Variants in HSPA12A observed in about 807,000 individuals in gnomAD.
HSPA12A encodes the protein heat shock 70 kDa protein 12A.
Under a neutral mutation model 69.2 loss-of-function variants are expected in HSPA12A, and 28 were observed. The observed-to-expected ratio is 0.40, with a 90% CI of 0.30 to 0.55. The LOEUF (loss-of-function observed/expected upper bound fraction) is 0.55, where lower values mean the gene tolerates loss of function less well. Ranked by LOEUF, HSPA12A falls within the 20% of genes least tolerant of loss-of-function variation. The pLI is 0.38. For missense variants in HSPA12A, 686 were observed against 900.7 expected, an observed-to-expected ratio of 0.76 and a Z score of 3.05; for synonymous variants, 345 against 370.5, an observed-to-expected ratio of 0.93 and a Z score of 0.79.
chr10:116,725,537 T>C (rs1554884867), intron 1 of HSPA12A, among the ~76,000 whole-genome samples: 1 of 152,060 alleles, frequency 6.6e-6, no homozygotes, highest in African/African-American at 2.4e-5. Context: ...CCAGGAATTG[T>C]ATGCATATTC....
intron 1 of HSPA12A, among the ~76,000 whole-genome samples, chr10:116,735,545 C>A (rs1481368025): frequency 1.3e-5 from 2 of 152,110 alleles, no homozygotes; most frequent in Admixed American, 1.3e-4. Context: ...GAAGCCCAGC[C>A]GACAGCCAGC....
At chr10:116,747,195 C>T (rs1376242503), upstream of HSPA12A, among the ~76,000 whole-genome samples, 3 of 152,210 alleles carry the variant, frequency 2.0e-5, no homozygotes, top group Admixed American at 6.5e-5. Context: ...ACAACCTTCA[C>T]ATGTACAATG....
At chr10:116,768,969 C>T (rs1025298965) in intron 2 of HSPA12A, among the ~76,000 whole-genome samples, 43 of 152,306 alleles carry the variant, frequency 2.8e-4, no homozygotes, top group African/African-American at 9.1e-4. Context: ...TGTGAGCACA[C>T]TCTCTCATCC....
chr10:116,718,343 G>A (rs933425850), intron 1 of HSPA12A, among the ~76,000 whole-genome samples: 14 of 152,114 alleles, frequency 9.2e-5, no homozygotes, highest in African/African-American at 2.9e-4. Context: ...GGTAAGGGTA[G>A]GGAAGGTGAA....
chr10:116,771,754 T>C (rs1554890522), intron 2 of HSPA12A, among the ~76,000 whole-genome samples: 1 of 151,922 alleles, frequency 6.6e-6, no homozygotes, highest in African/African-American at 2.4e-5. Context: ...CGCTTGCTTG[T>C]CAACCTACAA....
intron 1 of HSPA12A, among the ~76,000 whole-genome samples, chr10:116,740,652 G>A (rs1851462644): frequency 4.8e-5 from 1 of 20,954 alleles, no homozygotes; most frequent in African/African-American, 1.3e-4. Context: ...GTGTGTGTGT[G>A]TGTGTGTGTG....
intron 1 of HSPA12A, among the ~76,000 whole-genome samples, chr10:116,711,862 T>C (rs1225357940): frequency 1.3e-5 from 2 of 151,890 alleles, no homozygotes; most frequent in Non-Finnish European, 2.9e-5. Flanking sequence ...TAAATTTTTT[T>C]ATTTTTAGTA....
chr10:116,778,386 AG>A (rs1844388419), intron 2 of HSPA12A, among the ~76,000 whole-genome samples: 1 of 152,210 alleles, frequency 6.6e-6, no homozygotes, highest in Non-Finnish European at 1.5e-5. Context: ...CAGAAAGGTC[AG>A]AGAAGGAAGC....
intron 2 of HSPA12A, among the ~76,000 whole-genome samples, chr10:116,795,797 T>C (rs1261712000): frequency 6.6e-6 from 1 of 150,576 alleles, no homozygotes; most frequent in Non-Finnish European, 1.5e-5. Context: ...AATTATTATA[T>C]ACATAAATTC....
intron 2 of HSPA12A, among the ~76,000 whole-genome samples, chr10:116,805,082 C>T (rs750952029): frequency 6.6e-6 from 1 of 152,038 alleles, no homozygotes; most frequent in Non-Finnish European, 1.5e-5. Context: ...TTTGGGAGGC[C>T]GAGGCTGGTG....
chr10:116,691,796 T>A (rs1306634737), intron 6 of HSPA12A, among the ~76,000 whole-genome samples: 3 of 152,254 alleles, frequency 2.0e-5, no homozygotes, highest in African/African-American at 7.2e-5. Flanking sequence ...CCCTTGGCCA[T>A]GCCACTGCCC....
intron 5 of HSPA12A, among the ~76,000 whole-genome samples, chr10:116,697,766 C>CAT (rs1564784220): frequency 2.0e-5 from 3 of 151,802 alleles, no homozygotes; most frequent in East Asian, 1.9e-4. Flanking sequence ...CAAGGTTGTG[C>CAT]GCCCAACCCC....
intron 2 of HSPA12A, among the ~76,000 whole-genome samples, chr10:116,771,423 C>A (rs1448059377): frequency 6.6e-6 from 1 of 152,186 alleles, no homozygotes; most frequent in Non-Finnish European, 1.5e-5. Flanking sequence ...CAGTGACAGG[C>A]CTGGGTGAAG....
At chr10:116,818,981 T>C (rs1460332378) in intron 2 of HSPA12A, among the ~76,000 whole-genome samples, 1 of 152,200 alleles carries the variant, frequency 6.6e-6, no homozygotes, top group South Asian at 2.1e-4. Flanking sequence ...TGTCACTCTC[T>C]CTCGCTGGAT....
chr10:116,726,997 C>T (rs1328490928), intron 1 of HSPA12A, among the ~76,000 whole-genome samples: 2 of 152,128 alleles, frequency 1.3e-5, no homozygotes, highest in African/African-American at 2.4e-5. Flanking sequence ...AATCTGCCCC[C>T]GTCAAAAAAC....
intron 2 of HSPA12A, among the ~76,000 whole-genome samples, chr10:116,787,907 G>C (rs920049473): frequency 6.6e-6 from 1 of 152,122 alleles, no homozygotes; most frequent in Non-Finnish European, 1.5e-5. Flanking sequence ...AATCAGGTCA[G>C]ACTCTGAAGG....
At chr10:116,730,351 G>T (rs1369219220) in intron 1 of HSPA12A, among the ~76,000 whole-genome samples, 1 of 152,192 alleles carries the variant, frequency 6.6e-6, no homozygotes, top group Non-Finnish European at 1.5e-5. Context: ...TGAATACCTT[G>T]GTGAGGTCAA....
chr10:116,681,219 G>C lies in HSPA12A; in HGVS notation c.960C>G (p.Thr320=). The C allele has an allele frequency of 6.2e-7, 1 of 1,614,066 alleles. No homozygotes were observed. The highest frequency in any genetic ancestry group is 8.5e-7 in the Non-Finnish European group (1 of 1,179,990). ...GGATCTGATGGACTGTCAGGTCTAC[G>C]GTGCCACCGCCACTGTCCACAACCA... ...KYVVVDSGGG[T]VDLTVHQIRL... The change falls in exon 9 of 12, where the codon ACC becomes ACG. Residue 320 remains threonine, a synonymous_variant. Coordinates refer to ENST00000369209, the MANE Select transcript of HSPA12A (RefSeq NM_025015.3).
intron 2 of HSPA12A, among the ~76,000 whole-genome samples, chr10:116,771,949 C>T (rs1844221192): frequency 6.6e-6 from 1 of 152,196 alleles, no homozygotes; most frequent in African/African-American, 2.4e-5. Flanking sequence ...CTGTCTCAGC[C>T]ACGGCCACAC....
Sources: gnomAD v4.1 joint callset for allele counts (sites outside exome capture counted in the v4.1 genomes callset) on GRCh38, gnomAD v4.1.1 for gene constraint, MANE v1.5 for transcripts, NCBI Gene and HGNC (gene_info 2026-07-23, HGNC 2026-07-21) for gene names.